The following MAST2 variants were observed in gnomAD, a reference collection of about 807,000 sequenced individuals.
MAST2 encodes the protein microtubule-associated serine/threonine-protein kinase 2.
In MAST2, 70 loss-of-function variants were observed where a neutral mutation model predicts 147.4. The observed-to-expected ratio is 0.47, with a 90% CI of 0.39 to 0.58. MAST2 has a LOEUF of 0.58. MAST2 is among the 20% of genes least tolerant of loss of function. MAST2 has a pLI of 0.00. For synonymous variants in MAST2, 869 were observed against 896.8 expected (o/e 0.97, Z 0.55); for missense variants, 2,080 against 2,302.3 (o/e 0.90, Z 1.98).
chr1:45,867,876 G>A (rs903577636), intron 3 of MAST2, among the ~76,000 whole-genome samples: 1 of 152,188 alleles, frequency 6.6e-6, no homozygotes, highest in African/African-American at 2.4e-5. Context: ...TCCAGAGGTT[G>A]GATGGGTTTC....
chr1:46,000,408 G>A (rs1645228354), intron 6 of MAST2, among the ~76,000 whole-genome samples: 1 of 152,228 alleles, frequency 6.6e-6, no homozygotes. Context: ...ATGAGAAGCA[G>A]CTGCCATGTT....
intron 12 of MAST2, 39 bp downstream of exon 12, chr1:46,022,121 G>GC: frequency 6.2e-7 from 1 of 1,610,466 alleles, no homozygotes; most frequent in Non-Finnish European, 8.5e-7. Flanking sequence ...AGGCCCCACT[G>GC]CTGCTGGCAA....
chr1:45,829,361 A>G, intron 2 of MAST2, 78 bp from the exon 3 acceptor site: 1 of 1,289,934 alleles, frequency 7.8e-7, no homozygotes. Flanking sequence ...TATCCACTTG[A>G]TATCACTGTA....
chr1:46,006,602 A>C (rs1645497970), intron 8 of MAST2: 1 of 372,734 alleles, frequency 2.7e-6, no homozygotes, highest in Non-Finnish European at 4.6e-6. Flanking sequence ...TTACAAAAGA[A>C]AAAAAAAAAG....
chr1:45,887,814 C>G (rs1647162229), intron 4 of MAST2, among the ~76,000 whole-genome samples: 1 of 152,144 alleles, frequency 6.6e-6, no homozygotes, highest in Non-Finnish European at 1.5e-5. Context: ...GACTCTAAAG[C>G]CCAGAGTGAT....
At position 46,022,016 on chromosome 1, in the gene MAST2, G is replaced by C; in HGVS notation, c.1357G>C (p.Gly453Arg). 1 of 1,614,214 alleles carries C rather than the reference G, an allele frequency of 6.2e-7. No individual in the cohort carries two copies. Among genetic ancestry groups the C allele is most frequent in the Non-Finnish European group, 8.5e-7 (1 of 1,180,024 alleles). Residue 453 changes from glycine (G) to arginine (R), a missense_variant, in exon 12 of 29, where the codon GGG (glycine) becomes CGG (arginine). Physicochemically the swap from Gly to Arg is moderately radical, Grantham distance 125. Transcript: ENST00000361297. ...AAEGHAKEGQGIKCDIPRYIV... is the reference protein window; with the variant it reads ...AAEGHAKEGQRIKCDIPRYIV... The stretch of plus-strand genomic sequence containing the variant: ...TGAGGGCCACGCCAAAGAGGGACAA[G>C]GGATTAAATGTGACATTCCCCGCTA...
At chr1:45,905,875 C>G (rs1650636231) in intron 4 of MAST2, among the ~76,000 whole-genome samples, 1 of 152,080 alleles carries the variant, frequency 6.6e-6, no homozygotes, top group African/African-American at 2.4e-5. Context: ...AAAATTGCCA[C>G]ATAATTTTCC....
intron 1 of MAST2, among the ~76,000 whole-genome samples, chr1:45,812,238 G>C (rs1173547766): frequency 6.6e-6 from 1 of 152,046 alleles, no homozygotes; most frequent in Non-Finnish European, 1.5e-5. Context: ...GTATGGGTAA[G>C]GGCTAGCTCC....
At chr1:45,956,691 A>ATCATGG (rs1659706182) in intron 4 of MAST2, among the ~76,000 whole-genome samples, 2 of 152,232 alleles carry the variant, frequency 1.3e-5, no homozygotes, top group South Asian at 4.1e-4. Context: ...TGTTTTAGCC[A>ATCATGG]CGAAATCAAG....
rs1183629681 is a variant in MAST2 at position 46,034,100 on chromosome 1, G to A, written c.3702G>A (p.Lys1234=). 6.2e-7 allele frequency: 1 copy of A among 1,613,804 alleles called. No individual in the cohort carries two copies. The part of the protein sequence containing the change: ...ESRKRSSLFR[K]ITKQASLLHT... ...GAAAAAGGAGCTCCCTGTTCCGCAAGATCACCAAGCAAGCATCCCTGCTCC... is the reference window on the plus strand; with the variant it reads ...GAAAAAGGAGCTCCCTGTTCCGCAAAATCACCAAGCAAGCATCCCTGCTCC... Residue 1234 remains lysine (K), a synonymous_variant, in exon 28 of 29, where the codon AAG becomes AAA. Coordinates refer to ENST00000361297, the MANE Select transcript of MAST2 (RefSeq NM_015112.3).
chr1:46,030,876 A>T, intron 22 of MAST2, 115 bp downstream of exon 22: 1 of 1,469,928 alleles, frequency 6.8e-7, no homozygotes, highest in South Asian at 1.4e-5. Flanking sequence ...GGGGGCATTC[A>T]CAAGGGTGGC....
intron 6 of MAST2, among the ~76,000 whole-genome samples, chr1:45,998,913 TG>T (rs1645163549): frequency 6.6e-6 from 1 of 152,136 alleles, no homozygotes; most frequent in South Asian, 2.1e-4. Context: ...TTTGTATTTT[TG>T]ATAGAGACGG....
At chr1:46,002,922 A>C in intron 7 of MAST2, 39 bp downstream of exon 7, 1 of 1,581,676 alleles carries the variant, frequency 6.3e-7, no homozygotes, top group Non-Finnish European at 8.7e-7. Flanking sequence ...CCTTCACCCT[A>C]AGGAAGTACT....
intron 21 of MAST2, 103 bp downstream of exon 21, chr1:46,030,341 G>C: frequency 8.6e-7 from 1 of 1,161,064 alleles, no homozygotes; most frequent in Non-Finnish European, 1.2e-6. Context: ...GTTGGGGTTG[G>C]GGCCACCTCT....
intron 3 of MAST2, among the ~76,000 whole-genome samples, chr1:45,838,292 T>G (rs918108646): frequency 3.1e-4 from 46 of 148,472 alleles, no homozygotes; most frequent in Non-Finnish European, 6.2e-4. Context: ...TGATCTTGGC[T>G]CACTGCAACC....
At position 45,897,669 on chromosome 1, in the gene MAST2, T is replaced by C. The variant is rs59974520; in HGVS notation, c.500+15274T>C. Reference sequence around the variant, plus strand: ...CCAAAAATACAAAAAATTAGCTGGGTGTGGTGGCACTTGCCTGTGGTCCCA... The same window carrying C: ...CCAAAAATACAAAAAATTAGCTGGGCGTGGTGGCACTTGCCTGTGGTCCCA... On this transcript the variant is annotated intron_variant, in intron 4 of 28. Coordinates refer to ENST00000361297, the MANE Select transcript of MAST2 (RefSeq NM_015112.3). 6.7e-3 allele frequency among the ~76,000 whole-genome samples: 1,011 copies of C among 150,840 alleles called. 12 individuals are homozygous for C. Among genetic ancestry groups the C allele is most frequent in the African/African-American group, 0.024 (975 of 40,954 alleles).
At chr1:45,973,297 A>T (rs747862821) in intron 5 of MAST2, among the ~76,000 whole-genome samples, 3 of 152,046 alleles carry the variant, frequency 2.0e-5, no homozygotes, top group Non-Finnish European at 4.4e-5. Context: ...TCAATCACTT[A>T]TGCCCTAGAT....
chr1:46,012,118 G>A (rs897549548), intron 10 of MAST2, among the ~76,000 whole-genome samples: 1 of 152,042 alleles, frequency 6.6e-6, no homozygotes, highest in Non-Finnish European at 1.5e-5. Flanking sequence ...AAAATCACTG[G>A]TAGCTGTTTG....
At chr1:45,852,432 G>T (rs1487132478) in intron 3 of MAST2, among the ~76,000 whole-genome samples, 1 of 152,032 alleles carries the variant, frequency 6.6e-6, no homozygotes, top group African/African-American at 2.4e-5. Flanking sequence ...TGCAGTCATG[G>T]CTCACTGCAG....
Sources: gnomAD v4.1 joint callset for allele counts (sites outside exome capture counted in the v4.1 genomes callset) on GRCh38, gnomAD v4.1.1 for gene constraint, MANE v1.5 for transcripts, NCBI Gene and HGNC (gene_info 2026-07-23, HGNC 2026-07-21) for gene names.